SND1: variants seen among roughly 807,000 people sequenced by gnomAD.
SND1 encodes staphylococcal nuclease and tudor domain containing 1.
In SND1, 38 loss-of-function variants were observed where a neutral mutation model predicts 121.7. That is an observed-to-expected ratio of 0.31 (90% confidence interval 0.24 to 0.41). SND1 has a LOEUF of 0.41. Among genes scored for constraint, SND1 ranks in the 10% least tolerant of loss-of-function variants. The probability of loss-of-function intolerance (pLI) is 1.00; values close to 1 mark genes in which losing one functional copy is unlikely to be tolerated. For synonymous variants in SND1, 401 were observed against 447.4 expected, an observed-to-expected ratio of 0.90 and a Z score of 1.31; for missense variants, 868 against 1,184.6, an observed-to-expected ratio of 0.73 and a Z score of 3.92.
chr7:128,092,327 TTA>T lies in SND1; in HGVS notation c.*270_*271del. 7.2e-5 allele frequency: 32 copies of T among 443,660 alleles called. No homozygotes were observed. The highest frequency in any genetic ancestry group is 9.5e-5 in the South Asian group (2 of 20,990). 27.5% of individuals were successfully genotyped at this position (443,660 alleles called of 1,614,324 possible). The stretch of plus-strand genomic sequence containing the variant: ...TTATTTGGAGGTTTGTGGGCTTTTT[TTA>T]AAAAAAAAAAGTCCTCAAATCAGGA... On this transcript the variant is annotated 3_prime_UTR_variant, in exon 24 of 24. Transcript: ENST00000354725. This position sits in a 1 kb window ranked among gnomAD's most constrained non-coding sequence, Gnocchi z 4.9.
At chr7:127,658,488 A>T (rs185719312) in intron 1 of SND1, among the ~76,000 whole-genome samples, 1 of 152,232 alleles carries the variant, frequency 6.6e-6, no homozygotes, top group Admixed American at 6.5e-5. Context: ...TGCCAAAAGT[A>T]GGCTTTATAA....
chr7:127,998,973 A>C (rs1802749136), intron 16 of SND1: 1 of 152,252 alleles, frequency 6.6e-6, no homozygotes, highest in African/African-American at 2.4e-5. Flanking sequence ...TCCTCTCCTT[A>C]GAACTTTCAT....
At chr7:128,066,612 G>A (rs1004924856) in intron 16 of SND1, among the ~76,000 whole-genome samples, 3 of 152,186 alleles carry the variant, frequency 2.0e-5, no homozygotes, top group South Asian at 2.1e-4. Context: ...CCACAGCATC[G>A]CCTTATTAAT....
chr7:127,705,986 A>G (rs1270318974), intron 8 of SND1, among the ~76,000 whole-genome samples: 1 of 152,190 alleles, frequency 6.6e-6, no homozygotes, highest in Non-Finnish European at 1.5e-5. Flanking sequence ...TTATAAAAGT[A>G]GATATTAATC....
intron 2 of SND1, among the ~76,000 whole-genome samples, chr7:127,691,268 C>T (rs1388914652): frequency 2.6e-5 from 4 of 151,936 alleles, no homozygotes; most frequent in Admixed American, 6.5e-5. Flanking sequence ...AGTGGCTGGG[C>T]GCAGTGGCTT....
chr7:127,940,946 C>A (rs1376607194), intron 15 of SND1, among the ~76,000 whole-genome samples: 1 of 152,266 alleles, frequency 6.6e-6, no homozygotes, highest in East Asian at 1.9e-4. Flanking sequence ...ACAGAATGCA[C>A]TTCCTCATTC....
At chr7:127,785,470 A>T (rs974290792) in intron 10 of SND1, among the ~76,000 whole-genome samples, 2 of 152,226 alleles carry the variant, frequency 1.3e-5, no homozygotes, top group African/African-American at 4.8e-5. Context: ...GTGAGATGAC[A>T]TTCTTTAAGA....
intron 16 of SND1, among the ~76,000 whole-genome samples, chr7:128,033,547 G>C (rs1792691116): frequency 1.3e-5 from 2 of 152,096 alleles, no homozygotes; most frequent in South Asian, 4.1e-4. Flanking sequence ...TCTGAGTATT[G>C]TCTTTTGCCC....
rs1275808842 is a variant in SND1 at position 128,088,768 on chromosome 7, T to TA, written c.2419-709dup. On this transcript the variant is annotated intron_variant, in intron 21 of 23. Transcript: ENST00000354725. ...ACACCTGGCCTAGTCCCTGTCTCTT[T>TA]AAAAAAAAAAAAGACAGAGACACAG... Among the ~76,000 whole-genome samples the TA allele has an allele frequency of 6.9e-3, 995 of 143,348 alleles. 7 individuals are homozygous for TA. Among genetic ancestry groups the TA allele is most frequent in the South Asian group, 0.013 (60 of 4,468 alleles). 94.0% of individuals were successfully genotyped at this position (143,348 alleles called of 152,430 possible). A position where few individuals can be genotyped will look rare whatever the true frequency, so the allele number is the denominator to read the frequency against.
At chr7:127,974,705 G>A (rs1316936757) in intron 15 of SND1, among the ~76,000 whole-genome samples, 1 of 152,178 alleles carries the variant, frequency 6.6e-6, no homozygotes, top group East Asian at 1.9e-4. Context: ...GGATTTTCCA[G>A]TTTAGTGACA....
At chr7:127,939,475 C>T (rs1487112564) in intron 15 of SND1, among the ~76,000 whole-genome samples, 2 of 152,146 alleles carry the variant, frequency 1.3e-5, no homozygotes, top group African/African-American at 4.8e-5. Context: ...TAATGGCAGT[C>T]ACAGACCTTG....
chr7:127,792,029 G>GT (rs1797917861), intron 10 of SND1, among the ~76,000 whole-genome samples: 1 of 152,124 alleles, frequency 6.6e-6, no homozygotes, highest in Non-Finnish European at 1.5e-5. Flanking sequence ...AAAATTATAG[G>GT]TTATTTTGTT....
At chr7:128,064,683 G>C (rs1468617549) in intron 16 of SND1, among the ~76,000 whole-genome samples, 1 of 152,186 alleles carries the variant, frequency 6.6e-6, no homozygotes, top group Admixed American at 6.5e-5. Flanking sequence ...ATAATTCAGA[G>C]AGCAGTGGGA....
chr7:127,813,774 G>T (rs547309429), intron 11 of SND1, among the ~76,000 whole-genome samples: 2 of 152,110 alleles, frequency 1.3e-5, no homozygotes, highest in African/African-American at 2.4e-5. Flanking sequence ...TGTTGGCCAG[G>T]CAGGTCTCAA....
At chr7:127,893,724 C>A (rs946194912) in intron 13 of SND1, among the ~76,000 whole-genome samples, 1 of 152,022 alleles carries the variant, frequency 6.6e-6, no homozygotes, top group Non-Finnish European at 1.5e-5. Context: ...TATTCTATTT[C>A]TTGCCTGGCA....
chr7:127,902,912 G>A (rs1175249324), intron 13 of SND1, among the ~76,000 whole-genome samples: 7 of 149,988 alleles, frequency 4.7e-5, no homozygotes, highest in African/African-American at 1.2e-4. Flanking sequence ...TTGAGATGGA[G>A]TCTCTCTCGC....
chr7:127,840,922 G>C (rs187848378), intron 11 of SND1, among the ~76,000 whole-genome samples: 23 of 152,230 alleles, frequency 1.5e-4, no homozygotes, highest in Non-Finnish European at 3.1e-4. Flanking sequence ...CTCTTGATAT[G>C]GGAAACAATT....
intron 16 of SND1, among the ~76,000 whole-genome samples, chr7:128,045,810 C>T (rs1792935665): frequency 6.6e-6 from 1 of 152,182 alleles, no homozygotes; most frequent in Non-Finnish European, 1.5e-5. Context: ...AAGTACCTTT[C>T]TTGGCTGCAA....
At chr7:127,734,306 G>A (rs1386190001) in intron 10 of SND1, among the ~76,000 whole-genome samples, 3 of 152,118 alleles carry the variant, frequency 2.0e-5, no homozygotes, top group African/African-American at 7.2e-5. Context: ...AGAGAACAGA[G>A]TTCTCTAGGG....
Sources: gnomAD v4.1 joint callset for allele counts (sites outside exome capture counted in the v4.1 genomes callset) on GRCh38, gnomAD v4.1.1 for gene constraint, Gnocchi (gnomAD v3.1) non-coding constraint, MANE v1.5 for transcripts, NCBI Gene and HGNC (gene_info 2026-07-23, HGNC 2026-07-21) for gene names.